Variants in TCN2 observed in about 807,000 individuals in gnomAD.
TCN2 encodes the protein transcobalamin-2.
In TCN2, 34 loss-of-function variants were observed where a neutral mutation model predicts 48.6. The observed-to-expected ratio is 0.70, with a 90% confidence interval of 0.53 to 0.93. The LOEUF is 0.93. TCN2 is among the 40% of genes least tolerant of loss of function. TCN2 has a pLI of 0.00. For missense variants in TCN2, 652 were observed against 526.1 expected (o/e 1.24, Z -2.34); for synonymous variants, 283 against 212.5 (o/e 1.33, Z -2.89).
At chr22:30,622,529 C>T (rs2087713567) in intron 7 of TCN2, among the ~76,000 whole-genome samples, 1 of 152,204 alleles carries the variant, frequency 6.6e-6, no homozygotes, top group Admixed American at 6.5e-5. Context: ...GCCACAGAGA[C>T]CCAGTGCCAC....
intron 8 of TCN2, among the ~76,000 whole-genome samples, chr22:30,626,224 A>G (rs1017061548): frequency 1.3e-5 from 2 of 152,136 alleles, no homozygotes; most frequent in Admixed American, 6.5e-5. Context: ...TTACAAAGAC[A>G]GTGGCCCTGC....
rs749588370 is a variant in TCN2 at position 30,617,454 on chromosome 22, G to A, written c.1065G>A (p.Val355=). ...QSISVLAGST[V]EDVLKKAHEL... The stretch of plus-strand genomic sequence containing the variant: ...TCTCTGTTCTGGCCGGGTCCACCGT[G>A]GAAGATGTCCTGAAGAAGGCCCATG... The change falls in exon 7 of 9, where the codon GTG becomes GTA. Residue 355 remains valine (V), a synonymous_variant. Transcript: ENST00000215838. The A allele has an allele frequency of 6.2e-6, 10 of 1,614,034 alleles. No homozygotes were observed. In the East Asian group the frequency reaches 1.6e-4, roughly 25 times the overall value.
At chr22:30,624,263 G>A (rs546380898) in intron 8 of TCN2, among the ~76,000 whole-genome samples, 22 of 151,140 alleles carry the variant, frequency 1.5e-4, no homozygotes, top group Middle Eastern at 3.4e-3. Flanking sequence ...TAGTAGAGAC[G>A]GGGTTTCACC....
chr22:30,610,413 G>A (rs962052225), intron 1 of TCN2: 15 of 404,182 alleles, frequency 3.7e-5, no homozygotes, highest in Non-Finnish European at 7.0e-5. Context: ...AAGAGCGGGG[G>A]CTTTGCAGTT....
chr22:30,616,190 A>C lies in TCN2; in HGVS notation c.940+403A>C, dbSNP rs1295717598. Among the ~76,000 whole-genome samples the C allele has an allele frequency of 2.0e-5, 3 of 152,212 alleles. No individual in the cohort carries two copies. In the East Asian group the frequency reaches 5.8e-4, roughly 29 times the overall value. ...ACGTGACTGGGATTTGCCAATTAAG[A>C]ATGGAGAAAGAGGCCAGGTGCAGTG... On this transcript the variant is annotated intron_variant, in intron 6 of 8. Transcript: ENST00000215838.
intron 4 of TCN2, among the ~76,000 whole-genome samples, chr22:30,614,735 C>T (rs1379563079): frequency 6.6e-6 from 1 of 152,082 alleles, no homozygotes; most frequent in East Asian, 1.9e-4. Context: ...GTGGTGAAAC[C>T]CCATCTCTAC....
intron 1 of TCN2, chr22:30,610,267 C>CA: frequency 2.1e-6 from 1 of 471,162 alleles, no homozygotes; most frequent in Non-Finnish European, 4.4e-6. Context: ...TTGAGATCTG[C>CA]ATGGAGGAAG....
At chr22:30,617,141 G>A (rs976326783) in intron 6 of TCN2, among the ~76,000 whole-genome samples, 189 bp from the exon 7 acceptor site, 2 of 151,328 alleles carry the variant, frequency 1.3e-5, no homozygotes, top group Admixed American at 6.6e-5. Flanking sequence ...AAGCCAGGTG[G>A]TGGGGAATGA....
chr22:30,612,346 C>T (rs116933452), intron 2 of TCN2, among the ~76,000 whole-genome samples: 6,538 of 152,104 alleles, frequency 0.043, 319 homozygotes, highest in East Asian at 0.24. Context: ...GTTAGGAGTT[C>T]GAAACCAGTC....
chr22:30,613,061 C>T lies in TCN2; in HGVS notation c.427+19C>T, dbSNP rs758047994. On this transcript the variant is annotated intron_variant, in intron 3 of 8. Transcript: ENST00000215838. ...GCCATTGGTGAGCAGACACCATCCGCTGGGGGTGGGGAGCAGCTGGGAGGG... is the reference window on the plus strand; with the variant it reads ...GCCATTGGTGAGCAGACACCATCCGTTGGGGGTGGGGAGCAGCTGGGAGGG... 4.3e-6 allele frequency: 7 copies of T among 1,613,210 alleles called. No homozygotes were observed. The highest frequency in any genetic ancestry group is 1.3e-5 in the African/African-American group (1 of 74,874).
At chr22:30,614,698 C>G (rs1261359745) in intron 4 of TCN2, among the ~76,000 whole-genome samples, 197 bp downstream of exon 4, 1 of 152,188 alleles carries the variant, frequency 6.6e-6, no homozygotes, top group Non-Finnish European at 1.5e-5. Flanking sequence ...GTAGGTGGAT[C>G]TCTTGAGGCC....
Position 30,623,947 on chromosome 22 carries a change from C to CATATGTGTATATATACACACATAT in TCN2, c.1222+870_1222+871insGTATATATACACACATATATATGT, listed in dbSNP as rs2087757077. On this transcript the variant is annotated intron_variant, in intron 8 of 8. Coordinates refer to ENST00000215838, the MANE Select transcript of TCN2 (RefSeq NM_000355.4). Reference sequence around the variant, plus strand: ...ATATGTATACATATATACACACACACATATGTATACATATATACACACACA... The same window carrying CATATGTGTATATATACACACATAT: ...ATATGTATACATATATACACACACACATATGTGTATATATACACACATATATATGTATACATATATACACACACA... Among the ~76,000 whole-genome samples the CATATGTGTATATATACACACATAT allele has an allele frequency of 1.1e-4, 3 of 27,432 alleles. 1 individual carries two copies. Among genetic ancestry groups the CATATGTGTATATATACACACATAT allele is most frequent in the Non-Finnish European group, 1.7e-4 (3 of 17,476 alleles). The allele number at this position is 27,432 out of a possible 152,430, so 18.0% of individuals were successfully genotyped here.
At position 30,622,018 on chromosome 22, in the gene TCN2, G is replaced by T. The variant is rs572912905; in HGVS notation, c.1107-950G>T. 3.6e-4 allele frequency among the ~76,000 whole-genome samples: 55 copies of T among 151,682 alleles called. 1 individual carries two copies. Among genetic ancestry groups the T allele is most frequent in the Middle Eastern group, 3.5e-3 (1 of 282 alleles). On this transcript the variant is annotated intron_variant, in intron 7 of 8. Transcript: ENST00000215838. ...TTGTTTTGTTTTGAGATGGAGTTTTGCTCATGTTGCCCAGGCTGGGGTACA... is the reference window on the plus strand; with the variant it reads ...TTGTTTTGTTTTGAGATGGAGTTTTTCTCATGTTGCCCAGGCTGGGGTACA...
At position 30,623,803 on chromosome 22, in the gene TCN2, T is replaced by TATATACACACATATATACAC; in HGVS notation, c.1222+721_1222+722insTATACACACATATATACACA. ...ATATATGTATACATATATACACACA[T>TATATACACACATATATACAC]ACACATATATACACACACATACACA... On this transcript the variant is annotated intron_variant, in intron 8 of 8. Transcript: ENST00000215838. Among the ~76,000 whole-genome samples the TATATACACACATATATACAC allele has an allele frequency of 3.2e-5, 2 of 61,570 alleles. 1 individual carries two copies. The highest frequency in any genetic ancestry group is 6.9e-4 in the South Asian group (2 of 2,878). The allele number at this position is 61,570 out of a possible 152,430, so 40.4% of individuals were successfully genotyped here.
At chr22:30,618,289 A>G (rs769925099) in intron 7 of TCN2, among the ~76,000 whole-genome samples, 1 of 150,884 alleles carries the variant, frequency 6.6e-6, no homozygotes, top group South Asian at 2.1e-4. Context: ...TTTTTGAGAC[A>G]GAGTCTCACT....
At position 30,623,047 on chromosome 22, in the gene TCN2, C is replaced by A. The variant is rs752003301; in HGVS notation, c.1186C>A (p.Gln396Lys). 6.2e-7 allele frequency: 1 copy of A among 1,614,012 alleles called. No individual in the cohort carries two copies. The highest frequency in any genetic ancestry group is 8.5e-7 in the Non-Finnish European group (1 of 1,180,006). The change falls in exon 8 of 9, where the codon CAG becomes AAG. Residue 396 changes from glutamine (Q) to lysine (K), a missense_variant. Coordinates refer to ENST00000215838, the MANE Select transcript of TCN2 (RefSeq NM_000355.4). ...GKAAGEREFW[Q>K]LLRDPNTPLL... Reference sequence around the variant, plus strand: ...AGCGGCCGGAGAAAGGGAGTTCTGGCAGCTTCTCCGAGACCCCAACACCCC... The same window carrying A: ...AGCGGCCGGAGAAAGGGAGTTCTGGAAGCTTCTCCGAGACCCCAACACCCC...
Position 30,626,901 on chromosome 22 carries a change from C to T in TCN2, c.*380C>T. On this transcript the variant is annotated 3_prime_UTR_variant, in exon 9 of 9. Coordinates refer to ENST00000215838, the MANE Select transcript of TCN2 (RefSeq NM_000355.4). ...TGTGGTTGGGGTCCTGCAAGAAGGC[C>T]TCCTCAGCCCGGGGGCTATGGCCCT... The T allele has an allele frequency of 2.8e-6, 1 of 354,734 alleles. No individual in the cohort carries two copies. Among genetic ancestry groups the T allele is most frequent in the East Asian group, 6.6e-5 (1 of 15,212 alleles). The allele number at this position is 354,734 out of a possible 1,614,324, so 22.0% of individuals were successfully genotyped here.
In TCN2 at chr22:30,613,010, A is replaced by G; in HGVS notation, c.395A>G (p.Lys132Arg). 6.2e-7 allele frequency: 1 copy of G among 1,614,030 alleles called. No homozygotes were observed. The highest frequency in any genetic ancestry group is 2.2e-5 in the East Asian group (1 of 44,858). ...HKGDRLVSQL[K>R]WFLEDEKRAI... ...GGGGACAGGCTGGTCTCACAGCTCA[A>G]ATGGTTCCTGGAGGATGAGAAGAGA... is the stretch of plus-strand genomic sequence containing the variant. The change falls in exon 3 of 9, where the codon AAA becomes AGA. Residue 132 changes from lysine (K) to arginine (R), a missense_variant. By Grantham distance (26) the Lys-to-Arg change is conservative. Transcript: ENST00000215838.
Position 30,613,047 on chromosome 22 carries a change from G to T in TCN2, c.427+5G>T. 6.2e-7 allele frequency: 1 copy of T among 1,613,720 alleles called. No individual in the cohort carries two copies. Among genetic ancestry groups the T allele is most frequent in the East Asian group, 2.2e-5 (1 of 44,880 alleles). ...AGGATGAGAAGAGAGCCATTGGTGAGCAGACACCATCCGCTGGGGGTGGGG... is the reference window on the plus strand; with the variant it reads ...AGGATGAGAAGAGAGCCATTGGTGATCAGACACCATCCGCTGGGGGTGGGG... On this transcript the variant is annotated splice_donor_5th_base_variant and intron_variant, in intron 3 of 8. Coordinates refer to ENST00000215838, the MANE Select transcript of TCN2 (RefSeq NM_000355.4).
Sources: allele counts gnomAD v4.1 joint callset (sites outside exome capture counted in the v4.1 genomes callset), GRCh38; gene constraint gnomAD v4.1.1; transcripts MANE v1.5; gene names NCBI Gene and HGNC (gene_info 2026-07-23, HGNC 2026-07-21).